CLASP2: variants seen among roughly 807,000 people sequenced by gnomAD.
CLASP2 encodes CLIP-associating protein 2.
Under a neutral mutation model 194.4 loss-of-function variants are expected in CLASP2, and 47 were observed. The ratio of observed to expected loss-of-function variants is 0.24; its 90% CI spans 0.19 to 0.31. The LOEUF is 0.31. CLASP2 is among the 10% of genes least tolerant of loss of function. The pLI, the probability that CLASP2 is intolerant of heterozygous loss-of-function variation, is 1.00. For synonymous variants in CLASP2, 619 were observed against 633.5 expected (o/e 0.98, Z 0.34); for missense variants, 1,445 against 1,823.6 (o/e 0.79, Z 3.78).
chr3:33,529,550 G>C (rs1282453106), intron 34 of CLASP2, among the ~76,000 whole-genome samples: 6 of 152,090 alleles, frequency 3.9e-5, no homozygotes, highest in African/African-American at 1.4e-4. Context: ...TCATATTTGA[G>C]GAGCCATCTT....
At chr3:33,588,758 G>A (rs1483801522) in intron 21 of CLASP2, 1 of 701,832 alleles carries the variant, frequency 1.4e-6, no homozygotes, top group Admixed American at 2.0e-5. Context: ...GCAGAATTAG[G>A]GTAAGGATTA....
At chr3:33,645,170 A>G (rs1270423983) in intron 7 of CLASP2, 2 of 750,394 alleles carry the variant, frequency 2.7e-6, no homozygotes. Context: ...CTCTAAAGGT[A>G]GTAAAAGTAT....
At chr3:33,696,740 A>C in intron 2 of CLASP2, 115 bp downstream of exon 2, 1 of 786,292 alleles carries the variant, frequency 1.3e-6, no homozygotes. Flanking sequence ...TGCTGGGATT[A>C]CAGAAATTAC....
Position 33,576,196 on chromosome 3 carries a change from A to G in CLASP2, c.2427T>C (p.Asp809=). The part of the protein sequence containing the change: ...SAMRVLNTGS[D]VEEAVADALK... ...AGGCATCTGCCACCGCCTCCTCCACATCAGAACCTGTGTTCAGGACTCGCA... is the reference window on the plus strand; with the variant it reads ...AGGCATCTGCCACCGCCTCCTCCACGTCAGAACCTGTGTTCAGGACTCGCA... Residue 809 remains aspartate (D), a synonymous_variant, in exon 24 of 39, where the codon GAT becomes GAC. Coordinates refer to ENST00000682230, the MANE Select transcript of CLASP2 (RefSeq NM_001365631.1). 1.2e-6 allele frequency: 2 copies of G among 1,613,862 alleles called. No homozygotes were observed. The highest frequency in any genetic ancestry group is 1.7e-6 in the Non-Finnish European group (2 of 1,179,772).
At chr3:33,506,527 G>T (rs1323206308) in intron 37 of CLASP2, among the ~76,000 whole-genome samples, 6 of 151,226 alleles carry the variant, frequency 4.0e-5, no homozygotes, top group African/African-American at 1.2e-4. Flanking sequence ...TTTTTGGTTA[G>T]ATCCTAGAGT....
rs61738888 is a variant in CLASP2, at chr3:33,687,118, A to G, written c.488T>C (p.Leu163Pro). 0.088 allele frequency: 140,387 copies of G among 1,595,918 alleles called. 6,975 individuals are homozygous for G. The highest frequency in any genetic ancestry group is 0.16 in the Middle Eastern group (957 of 5,804). Residue 163 changes from leucine to proline, a missense_variant, in exon 5 of 39, where the codon CTA (leucine) becomes CCA (proline). Coordinates refer to ENST00000682230, the MANE Select transcript of CLASP2 (RefSeq NM_001365631.1). ...ATGTGGTATCAATTTGCTGATGACT[A>G]GTGGCTGAGCCCCAAAACTAAATAT... is the stretch of plus-strand genomic sequence containing the variant. ...ETLNIFGAQP[L>P]VISKLIPHLC...
At chr3:33,592,557 G>T in intron 20 of CLASP2, 61 bp from the exon 21 acceptor site, 3 of 1,327,962 alleles carry the variant, frequency 2.3e-6, no homozygotes, top group South Asian at 2.5e-5. Context: ...TTAATAATGA[G>T]AGGAGAAAAT....
chr3:33,534,590 G>A (rs973753092), intron 34 of CLASP2, among the ~76,000 whole-genome samples: 2 of 152,100 alleles, frequency 1.3e-5, no homozygotes, highest in East Asian at 1.9e-4. Context: ...TAAAACATTT[G>A]TAGTGTTTTG....
At chr3:33,682,819 GAAGT>G (rs1218326148) in intron 6 of CLASP2, among the ~76,000 whole-genome samples, 3 of 152,310 alleles carry the variant, frequency 2.0e-5, no homozygotes, top group Admixed American at 6.5e-5. Flanking sequence ...TGTTTGGCTA[GAAGT>G]AAGGATAGAT....
At chr3:33,695,038 A>C (rs987228141) in intron 2 of CLASP2, among the ~76,000 whole-genome samples, 1 of 151,842 alleles carries the variant, frequency 6.6e-6, no homozygotes, top group Non-Finnish European at 1.5e-5. Context: ...AAATACTTGC[A>C]GAGCAGTTTT....
chr3:33,702,099 T>G (rs1410875411), intron 1 of CLASP2, among the ~76,000 whole-genome samples: 2 of 152,176 alleles, frequency 1.3e-5, no homozygotes, highest in South Asian at 2.1e-4. Flanking sequence ...ACTTATCTGA[T>G]AGCCAACTGG....
rs1308681155 is a variant in CLASP2, at chr3:33,684,363, C to A, written c.640G>T (p.Ala214Ser). ...MDLYKRGIPP[A>S]RLEMIFAKFD... ...ACCAAATTTAGCAAGACTTACCTAGCAGGGGGAATTCCTCTCTTATAAAGA... is the reference window on the plus strand; with the variant it reads ...ACCAAATTTAGCAAGACTTACCTAGAAGGGGGAATTCCTCTCTTATAAAGA... Residue 214 changes from alanine to serine, a missense_variant, in exon 6 of 39, where the codon GCT becomes TCT. Ala to Ser is a moderately conservative substitution (Grantham distance 99, BLOSUM62 1). This residue lies in a region of CLASP2 where 332 missense variants were observed against 325.3 expected (regional missense o/e 1.02). Coordinates refer to ENST00000682230, the MANE Select transcript of CLASP2 (RefSeq NM_001365631.1). 1 of 1,570,384 alleles carries A rather than the reference C, an allele frequency of 6.4e-7. No homozygotes were observed. Among genetic ancestry groups the A allele is most frequent in the South Asian group, 1.2e-5 (1 of 82,972 alleles).
At chr3:33,649,458 TCA>T (rs1208632980) in intron 7 of CLASP2, among the ~76,000 whole-genome samples, 1 of 152,206 alleles carries the variant, frequency 6.6e-6, no homozygotes, top group Non-Finnish European at 1.5e-5. Context: ...ATGGAGACTT[TCA>T]GTCTCCAGTG....
intron 34 of CLASP2, among the ~76,000 whole-genome samples, chr3:33,531,354 A>G (rs2056238759): frequency 6.6e-6 from 1 of 152,254 alleles, no homozygotes; most frequent in Admixed American, 6.5e-5. Flanking sequence ...AACAACAAAA[A>G]TAAACAACCT....
intron 34 of CLASP2, among the ~76,000 whole-genome samples, chr3:33,519,625 C>T (rs1278748414): frequency 6.6e-6 from 1 of 152,098 alleles, no homozygotes; most frequent in Admixed American, 6.6e-5. Flanking sequence ...CTCATCTCAA[C>T]ATTAAAAATG....
chr3:33,666,623 G>A (rs939072316), intron 6 of CLASP2, among the ~76,000 whole-genome samples: 5 of 152,168 alleles, frequency 3.3e-5, no homozygotes, highest in Non-Finnish European at 2.9e-5. Context: ...ATATGTAGAT[G>A]TGGGGTGTCT....
At chr3:33,585,890 C>T (rs1193794429) in intron 21 of CLASP2, among the ~76,000 whole-genome samples, 2 of 152,014 alleles carry the variant, frequency 1.3e-5, no homozygotes, top group African/African-American at 4.8e-5. Flanking sequence ...AATAGTTTGC[C>T]TGCTGAGATT....
intron 8 of CLASP2, among the ~76,000 whole-genome samples, chr3:33,637,646 A>G (rs2080417594): frequency 6.6e-6 from 1 of 152,250 alleles, no homozygotes. Context: ...CAAAACTAGC[A>G]GCACACTAAA....
At position 33,612,010 on chromosome 3, in the gene CLASP2, G is replaced by A; in HGVS notation, c.1379C>T (p.Pro460Leu). ...AAAAAATTAAACTTACCTCCTCACGGGAACTGATTTTGATGTGCAATTGCT... is the reference window on the plus strand; with the variant it reads ...AAAAAATTAAACTTACCTCCTCACGAGAACTGATTTTGATGTGCAATTGCT... ...ITSNCTSKSV[P>L]VRRRSFEFLD... The change falls in exon 13 of 39, where the codon CCC (proline) becomes CTC (leucine). Residue 460 changes from proline to leucine, a missense_variant. Physicochemically the swap from Pro to Leu is moderately conservative, Grantham distance 98. Around this residue, in one of 4 missense-constraint regions of CLASP2, gnomAD observed 207 missense variants for 331.4 expected, o/e 0.62. Transcript: ENST00000682230. 6.2e-7 allele frequency: 1 copy of A among 1,607,068 alleles called. No individual in the cohort carries two copies. Among genetic ancestry groups the A allele is most frequent in the Non-Finnish European group, 8.5e-7 (1 of 1,175,318 alleles).
Sources: allele counts gnomAD v4.1 joint callset (sites outside exome capture counted in the v4.1 genomes callset), GRCh38; gene constraint gnomAD v4.1.1; regional missense constraint gnomAD v4.1.1; transcripts MANE v1.5; gene names NCBI Gene and HGNC (gene_info 2026-07-23, HGNC 2026-07-21).